SGIP1: variants seen among roughly 807,000 people sequenced by gnomAD.
The protein encoded by SGIP1 is SH3GL interacting endocytic adaptor 1, also known as SH3-containing GRB2-like protein 3-interacting protein 1.
SGIP1 carries 38 observed loss-of-function variants against 107.5 expected under a neutral mutation model. The ratio of observed to expected loss-of-function variants is 0.35; its 90% CI spans 0.27 to 0.46. The LOEUF is 0.46. Ranked by LOEUF, SGIP1 falls within the 20% of genes least tolerant of loss-of-function variation. SGIP1 has a pLI of 1.00. For synonymous variants in SGIP1, 365 were observed against 366.1 expected, an observed-to-expected ratio of 1.00 and a Z score of 0.03; for missense variants, 929 against 1,019.5, an observed-to-expected ratio of 0.91 and a Z score of 1.21.
intron 1 of SGIP1, among the ~76,000 whole-genome samples, chr1:66,622,249 A>T (rs2071335088): frequency 6.6e-6 from 1 of 152,064 alleles, no homozygotes; most frequent in African/African-American, 2.4e-5. Flanking sequence ...ACTTAGGCAA[A>T]CTCTCAGGCT....
At chr1:66,666,325 G>A (rs771843218) in intron 8 of SGIP1, 18 of 173,840 alleles carry the variant, frequency 1.0e-4, no homozygotes, top group Non-Finnish European at 1.6e-4. Flanking sequence ...TGTTCCATTG[G>A]TCTATATCTC....
At chr1:66,614,234 T>A (rs571137205) in intron 1 of SGIP1, among the ~76,000 whole-genome samples, 1 of 152,346 alleles carries the variant, frequency 6.6e-6, no homozygotes, top group Admixed American at 6.5e-5. Flanking sequence ...TTAATAAATC[T>A]GCAAGCCTGC....
At chr1:66,565,358 T>C (rs2059500880) in intron 1 of SGIP1, among the ~76,000 whole-genome samples, 1 of 152,030 alleles carries the variant, frequency 6.6e-6, no homozygotes, top group South Asian at 2.1e-4. Context: ...TTGAAACATC[T>C]TACCATGTTA....
intron 1 of SGIP1, among the ~76,000 whole-genome samples, chr1:66,598,513 G>A (rs558056530): frequency 2.6e-5 from 4 of 152,298 alleles, no homozygotes; most frequent in Non-Finnish European, 5.9e-5. Flanking sequence ...ACCTGAGACT[G>A]AGTAGTTTAT....
chr1:66,717,003 T>G (rs1380734351), intron 18 of SGIP1, among the ~76,000 whole-genome samples: 1 of 152,116 alleles, frequency 6.6e-6, no homozygotes, highest in Non-Finnish European at 1.5e-5. Context: ...CCTTCTACAC[T>G]TAGTAAGATT....
rs55975121 is a variant in SGIP1 at position 66,750,036 on chromosome 1, G to T, written c.*6941G>T. On this transcript the variant is annotated 3_prime_UTR_variant, in exon 25 of 25. Coordinates refer to ENST00000371037, the MANE Select transcript of SGIP1 (RefSeq NM_032291.4). ...CTCTCTTTCTCTGTGTGTGTGTGGG[G>T]GTGTGTGTGTGTGTGTGTGTGTGTG... Among the ~76,000 whole-genome samples, 5,704 of 119,144 alleles carry T rather than the reference G, an allele frequency of 0.048. 123 individuals are homozygous for T. The highest frequency in any genetic ancestry group is 0.07 in the African/African-American group (2,200 of 31,526). The allele number at this position is 119,144 out of a possible 152,430, so 78.2% of individuals were successfully genotyped here.
intron 1 of SGIP1, among the ~76,000 whole-genome samples, chr1:66,573,637 C>G (rs2060683162): frequency 6.6e-6 from 1 of 152,070 alleles, no homozygotes; most frequent in Non-Finnish European, 1.5e-5. Flanking sequence ...AGGCCATTAT[C>G]CTTCGCAAAC....
chr1:66,550,450 C>T (rs2057235970), intron 1 of SGIP1, among the ~76,000 whole-genome samples: 1 of 152,036 alleles, frequency 6.6e-6, no homozygotes, highest in Non-Finnish European at 1.5e-5. Flanking sequence ...CTTGCCAAAA[C>T]ATAACTGCCC....
At chr1:66,731,430 T>A (rs749097899) in intron 20 of SGIP1, among the ~76,000 whole-genome samples, 1 of 152,160 alleles carries the variant, frequency 6.6e-6, no homozygotes, top group African/African-American at 2.4e-5. Flanking sequence ...AAAAGTTGTA[T>A]ACATATATTA....
At chr1:66,569,997 C>T (rs778121292) in intron 1 of SGIP1, among the ~76,000 whole-genome samples, 16 of 151,756 alleles carry the variant, frequency 1.1e-4, no homozygotes, top group Non-Finnish European at 1.9e-4. Context: ...CGGTTATCAA[C>T]TTGTGGGCAT....
rs533600853 is a variant in SGIP1, at chr1:66,737,286, A to T, written c.2032-2049A>T. Among the ~76,000 whole-genome samples, 15 of 152,332 alleles carry T rather than the reference A, an allele frequency of 9.8e-5. No individual in the cohort carries two copies. In the South Asian group the frequency reaches 1.0e-3, roughly 11 times the overall value. ...GTACATCTTCACTTCAGATAAAAAA[A>T]TTTTTTAAATTATTAAATCCTATAG... On this transcript the variant is annotated intron_variant, in intron 21 of 24. Coordinates refer to ENST00000371037, the MANE Select transcript of SGIP1 (RefSeq NM_032291.4).
At position 66,641,203 on chromosome 1, in the gene SGIP1, T is replaced by TAC. The variant is rs142296491; in HGVS notation, c.228+1380_228+1381dup. ...TTTGCTAAGAGTTTAAGTGCTCTTA[T>TAC]ACACACACACATAAAAAGGGCAACT... is the stretch of plus-strand genomic sequence containing the variant. On this transcript the variant is annotated intron_variant, in intron 5 of 24. Transcript: ENST00000371037. Among the ~76,000 whole-genome samples the TAC allele has an allele frequency of 4.1e-3, 624 of 152,170 alleles. 26 individuals are homozygous for TAC. The East Asian group carries it at 0.09, about 22-fold the overall frequency.
In SGIP1 at chr1:66,600,846, G is replaced by A. The variant is rs114364718; in HGVS notation, c.11-25001G>A. On this transcript the variant is annotated intron_variant, in intron 1 of 24. Transcript: ENST00000371037. ...AGAAAACTCATTCCACCAATAGTGT[G>A]TAGAGTAGCTTGGAACAGGTAAGAT... Among the ~76,000 whole-genome samples the A allele has an allele frequency of 4.2e-3, 635 of 152,300 alleles. 4 individuals carry two copies. The highest frequency in any genetic ancestry group is 0.014 in the African/African-American group (592 of 41,546).
At chr1:66,672,378 C>T (rs774433954) in intron 11 of SGIP1, among the ~76,000 whole-genome samples, 1 of 152,132 alleles carries the variant, frequency 6.6e-6, no homozygotes, top group Non-Finnish European at 1.5e-5. Flanking sequence ...TTCCACCTGC[C>T]ACACACCAAA....
At chr1:66,677,142 T>C (rs1203101417) in intron 13 of SGIP1, 46 bp downstream of exon 13, 2 of 1,479,112 alleles carry the variant, frequency 1.4e-6, no homozygotes, top group Admixed American at 3.4e-5. Flanking sequence ...TGACTCATTT[T>C]AGTGTCTGTC....
chr1:66,547,947 G>A (rs933668975), intron 1 of SGIP1, among the ~76,000 whole-genome samples: 2 of 152,120 alleles, frequency 1.3e-5, no homozygotes, highest in Non-Finnish European at 2.9e-5. Context: ...AAACAGTAGG[G>A]TGAAGTGCCT....
chr1:66,659,997 AGACAGACAGACAGACAGACAGGAAGGAAG>A (rs1557497104), intron 7 of SGIP1: 8 of 82,966 alleles, frequency 9.6e-5, no homozygotes, highest in Admixed American at 1.6e-4. Context: ...AAAGAAAGAA[AGACAGACAGACAGACAGACAGGAAGGAAG>A]GAAGGAAGGA....
intron 1 of SGIP1, among the ~76,000 whole-genome samples, chr1:66,580,672 T>C (rs1173910691): frequency 1.3e-5 from 2 of 152,162 alleles, no homozygotes; most frequent in African/African-American, 2.4e-5. Flanking sequence ...GATATTTCTT[T>C]ATATATTTGT....
chr1:66,693,224 C>G (rs530033387), intron 17 of SGIP1, among the ~76,000 whole-genome samples: 3 of 148,696 alleles, frequency 2.0e-5, no homozygotes, highest in Non-Finnish European at 3.0e-5. Flanking sequence ...GCCTGGGCAA[C>G]ATAGCAAGAT....
Sources: allele counts gnomAD v4.1 joint callset (sites outside exome capture counted in the v4.1 genomes callset), GRCh38; gene constraint gnomAD v4.1.1; transcripts MANE v1.5; gene names NCBI Gene and HGNC (gene_info 2026-07-23, HGNC 2026-07-21).